Variants in ANO3 observed in about 807,000 individuals in gnomAD.
ANO3 encodes the protein anoctamin 3, also known as anoctamin-3.
Under a neutral mutation model 144.8 loss-of-function variants are expected in ANO3, and 99 were observed. The ratio of observed to expected loss-of-function variants is 0.68; its 90% confidence interval spans 0.58 to 0.81. The LOEUF (loss-of-function observed/expected upper bound fraction) is 0.81. ANO3 is among the 30% of genes least tolerant of loss of function. ANO3 has a pLI of 0.00. For missense variants in ANO3, 905 were observed against 1,202.2 expected (o/e 0.75, Z 3.66); for synonymous variants, 414 against 392.6 (o/e 1.05, Z -0.64).
intron 1 of ANO3, among the ~76,000 whole-genome samples, chr11:26,314,536 A>G (rs554373122): frequency 6.6e-6 from 1 of 152,248 alleles, no homozygotes; most frequent in African/African-American, 2.4e-5. Context: ...GAGAGATGTG[A>G]GGCAGTGCCC....
At chr11:26,220,295 T>A (rs961187513) in intron 1 of ANO3, among the ~76,000 whole-genome samples, 1 of 152,134 alleles carries the variant, frequency 6.6e-6, no homozygotes, top group African/African-American at 2.4e-5. Context: ...CCCATGAAGA[T>A]CCTTACTATA....
At chr11:26,399,788 T>A (rs1453533096) in intron 1 of ANO3, among the ~76,000 whole-genome samples, 1 of 152,016 alleles carries the variant, frequency 6.6e-6, no homozygotes, top group Non-Finnish European at 1.5e-5. Flanking sequence ...CTGACACATT[T>A]TATATTCCTC....
intron 1 of ANO3, among the ~76,000 whole-genome samples, chr11:26,426,343 C>T (rs1164349149): frequency 1.3e-5 from 2 of 151,792 alleles, no homozygotes; most frequent in Non-Finnish European, 2.9e-5. Context: ...GGAAATGGAC[C>T]CCATCTTGTG....
At chr11:26,515,185 T>C (rs1342267326) in intron 5 of ANO3, among the ~76,000 whole-genome samples, 1 of 152,044 alleles carries the variant, frequency 6.6e-6, no homozygotes, top group African/African-American at 2.4e-5. Context: ...GTATTTTAAA[T>C]AGGAAAAGTC....
chr11:26,534,254 C>G (rs1849446985), intron 8 of ANO3, among the ~76,000 whole-genome samples: 1 of 152,156 alleles, frequency 6.6e-6, no homozygotes, highest in Non-Finnish European at 1.5e-5. Context: ...CACTTATAAA[C>G]TGAAAGAAGA....
intron 14 of ANO3, among the ~76,000 whole-genome samples, chr11:26,579,173 A>G (rs1851066816): frequency 2.0e-5 from 3 of 152,346 alleles, no homozygotes; most frequent in South Asian, 2.1e-4. Flanking sequence ...CACATGATTT[A>G]TTAATGCTTT....
At chr11:26,296,358 C>G (rs954219193) in intron 1 of ANO3, among the ~76,000 whole-genome samples, 13 of 152,040 alleles carry the variant, frequency 8.6e-5, no homozygotes, top group Admixed American at 6.6e-4. Flanking sequence ...TTATCCTGGC[C>G]CCAGATTAAT....
intron 1 of ANO3, among the ~76,000 whole-genome samples, chr11:26,362,978 CA>C (rs1217556151): frequency 6.6e-6 from 1 of 152,126 alleles, no homozygotes; most frequent in Non-Finnish European, 1.5e-5. Flanking sequence ...CAGTCAAGAA[CA>C]AACCATATAA....
intron 1 of ANO3, among the ~76,000 whole-genome samples, chr11:26,361,857 T>C (rs1473885781): frequency 1.3e-5 from 2 of 152,184 alleles, no homozygotes; most frequent in Non-Finnish European, 2.9e-5. Context: ...GTAAACCCTG[T>C]TCTAGACTTC....
At chr11:26,228,661 T>C (rs1564925473) in intron 1 of ANO3, among the ~76,000 whole-genome samples, 1 of 152,218 alleles carries the variant, frequency 6.6e-6, no homozygotes, top group Non-Finnish European at 1.5e-5. Context: ...TGAAACATAA[T>C]GGTCTGTCAC....
At chr11:26,221,970 C>T (rs1852154557) in intron 1 of ANO3, among the ~76,000 whole-genome samples, 1 of 152,170 alleles carries the variant, frequency 6.6e-6, no homozygotes, top group Non-Finnish European at 1.5e-5. Context: ...CCATATCATG[C>T]TGCCCCTGAA....
intron 1 of ANO3, among the ~76,000 whole-genome samples, chr11:26,262,737 C>CAG (rs1467991951): frequency 2.0e-5 from 3 of 151,934 alleles, no homozygotes; most frequent in East Asian, 1.9e-4. Flanking sequence ...CACACACACA[C>CAG]ACAGAGAGAG....
chr11:26,555,154 A>T (rs1480598673), intron 13 of ANO3, among the ~76,000 whole-genome samples: 1 of 152,190 alleles, frequency 6.6e-6, no homozygotes, highest in Non-Finnish European at 1.5e-5. Context: ...TTAGTTTTTC[A>T]TTCTTTTAAA....
chr11:26,331,126 C>T (rs1855027735), upstream of ANO3, among the ~76,000 whole-genome samples: 1 of 152,074 alleles, frequency 6.6e-6, no homozygotes, highest in African/African-American at 2.4e-5. Context: ...AAAGTGGGAG[C>T]TGAATGATGA....
chr11:26,480,713 C>T (rs36051894), intron 4 of ANO3, among the ~76,000 whole-genome samples: 89,846 of 151,824 alleles, frequency 0.59, 27,428 homozygotes, highest in East Asian at 0.68. Flanking sequence ...GAGGCTGAGG[C>T]AGGTTCATCA....
At chr11:26,564,539 A>G (rs1850440627) in intron 14 of ANO3, among the ~76,000 whole-genome samples, 1 of 150,466 alleles carries the variant, frequency 6.6e-6, no homozygotes, top group Admixed American at 6.7e-5. Flanking sequence ...ATGTAAAACA[A>G]TTTTTATGTT....
chr11:26,235,850 C>T (rs541893327), intron 1 of ANO3, among the ~76,000 whole-genome samples: 7 of 152,104 alleles, frequency 4.6e-5, no homozygotes, highest in South Asian at 2.1e-4. Context: ...ATTATATAAA[C>T]GAAGTATATA....
At chr11:26,581,688 CAAAAAA>C (rs10612768) in intron 14 of ANO3, among the ~76,000 whole-genome samples, 18 of 84,714 alleles carry the variant, frequency 2.1e-4, no homozygotes, top group South Asian at 4.5e-4. Flanking sequence ...GACTCTGTCT[CAAAAAA>C]AAAAAAAAAA....
At chr11:26,412,997 G>A (rs949781247) in intron 1 of ANO3, among the ~76,000 whole-genome samples, 1 of 151,852 alleles carries the variant, frequency 6.6e-6, no homozygotes, top group African/African-American at 2.4e-5. Context: ...AATTTTTAGG[G>A]GATAACTATT....
Sources: gnomAD v4.1 joint callset for allele counts (sites outside exome capture counted in the v4.1 genomes callset) on GRCh38, gnomAD v4.1.1 for gene constraint, MANE v1.5 for transcripts, NCBI Gene and HGNC (gene_info 2026-07-23, HGNC 2026-07-21) for gene names.